BET1: variants seen among roughly 807,000 people sequenced by gnomAD.
BET1 encodes Bet1 golgi vesicular membrane trafficking protein.
In BET1, 9 loss-of-function variants were observed where a neutral mutation model predicts 13.9. The observed-to-expected ratio is 0.65, with a 90% confidence interval of 0.39 to 1.13. The LOEUF (loss-of-function observed/expected upper bound fraction) is 1.13. Ranked by LOEUF, BET1 falls within the 50% of genes most tolerant of loss-of-function variation. The probability of loss-of-function intolerance (pLI) is 0.01; values close to 1 mark genes in which losing one functional copy is unlikely to be tolerated. For missense variants in BET1, 127 were observed against 133.6 expected (o/e 0.95, Z 0.24); for synonymous variants, 39 against 47.3 (o/e 0.82, Z 0.72).
At chr7:94,000,174 GGCTCACTGCAA>G (rs1422840570) in intron 1 of BET1, 1 of 151,066 alleles carries the variant, frequency 6.6e-6, no homozygotes, top group Admixed American at 6.6e-5. Context: ...GCGCGATCTC[GGCTCACTGCAA>G]GCTCCGCCTC....
chr7:93,984,036 G>A (rs1795478338), intron 4 of BET1, among the ~76,000 whole-genome samples: 2 of 152,150 alleles, frequency 1.3e-5, no homozygotes, highest in Admixed American at 1.3e-4. Flanking sequence ...CCACAATTCA[G>A]GAGGCTAGAA....
chr7:93,983,918 T>A (rs1349559983), intron 4 of BET1, among the ~76,000 whole-genome samples: 1 of 152,152 alleles, frequency 6.6e-6, no homozygotes, highest in African/African-American at 2.4e-5. Flanking sequence ...GCATCTGGAT[T>A]TTCATCCCAG....
intron 4 of BET1, among the ~76,000 whole-genome samples, chr7:93,977,479 A>C (rs1434387355): frequency 6.6e-6 from 1 of 152,164 alleles, no homozygotes; most frequent in Non-Finnish European, 1.5e-5. Flanking sequence ...TTTGAGAAAA[A>C]ATAAAAAATT....
At chr7:93,982,737 AG>A (rs778666765) in intron 4 of BET1, among the ~76,000 whole-genome samples, 3 of 152,146 alleles carry the variant, frequency 2.0e-5, no homozygotes, top group Non-Finnish European at 4.4e-5. Flanking sequence ...TCACATTTTG[AG>A]GTTCTGGGTA....
intron 6 of BET1, among the ~76,000 whole-genome samples, chr7:93,968,850 C>T (rs1795216506): frequency 6.6e-6 from 1 of 151,638 alleles, no homozygotes; most frequent in Non-Finnish European, 1.5e-5. Flanking sequence ...GAGATGAGTA[C>T]AATATAGACA....
chr7:93,986,527 T>C (rs1369587267), intron 4 of BET1, among the ~76,000 whole-genome samples: 1 of 152,206 alleles, frequency 6.6e-6, no homozygotes, highest in Non-Finnish European at 1.5e-5. Flanking sequence ...GTGTGCCTAA[T>C]TGCCAACAGT....
chr7:94,004,049 T>C (rs1795972496), intron 1 of BET1, 149 bp downstream of exon 1: 1 of 1,146,194 alleles, frequency 8.7e-7, no homozygotes, highest in South Asian at 1.4e-5. Context: ...AATGGTGTGT[T>C]TCCACTCGAC....
chr7:93,992,992 A>G, downstream of BET1: 1 of 985,374 alleles, frequency 1.0e-6, no homozygotes, highest in Non-Finnish European at 1.2e-6. Context: ...CAGAAAAAAT[A>G]GAACCCAAAC....
chr7:93,971,093 T>G (rs1439123504), intron 6 of BET1, among the ~76,000 whole-genome samples: 1 of 151,818 alleles, frequency 6.6e-6, no homozygotes, highest in Non-Finnish European at 1.5e-5. Flanking sequence ...TTGCAGTATA[T>G]TAAAACAACT....
intron 1 of BET1, among the ~76,000 whole-genome samples, chr7:94,000,867 T>G (rs1327514813): frequency 6.6e-6 from 1 of 152,174 alleles, no homozygotes; most frequent in Non-Finnish European, 1.5e-5. Flanking sequence ...CTGCACACAG[T>G]TGCTTGCACC....
intron 6 of BET1, chr7:93,965,734 T>C (rs1795162284): frequency 6.6e-6 from 1 of 152,092 alleles, no homozygotes; most frequent in East Asian, 1.9e-4. Context: ...TAAAATATGC[T>C]AATTTGAAGC....
intron 4 of BET1, among the ~76,000 whole-genome samples, chr7:93,980,258 G>T (rs1289843438): frequency 6.6e-6 from 1 of 152,072 alleles, no homozygotes; most frequent in Non-Finnish European, 1.5e-5. Flanking sequence ...TAGGAGGAAG[G>T]CTTCCAAATC....
At chr7:93,990,701 T>C (rs564488459), downstream of BET1, among the ~76,000 whole-genome samples, 2 of 152,242 alleles carry the variant, frequency 1.3e-5, no homozygotes, top group Admixed American at 6.5e-5. Context: ...CTTTTCTAAA[T>C]GTCATAAAGA....
intron 1 of BET1, 62 bp from the exon 2 acceptor site, chr7:93,999,356 AG>A (rs1305216327): frequency 6.5e-7 from 1 of 1,541,788 alleles, no homozygotes; most frequent in Non-Finnish European, 8.7e-7. Context: ...ACTGTTAGTT[AG>A]GAAAGAACTG....
intron 2 of BET1, among the ~76,000 whole-genome samples, chr7:93,998,930 G>A (rs1795831623): frequency 6.6e-6 from 1 of 152,004 alleles, no homozygotes; most frequent in Non-Finnish European, 1.5e-5. Flanking sequence ...ACAGCATACA[G>A]TATACAAAAA....
chr7:93,977,109 TAGTC>T lies in BET1; in HGVS notation c.236-1013_236-1010del, dbSNP rs150690952. ...ACCTGAGCTCTTGTATCTTCCTTGT[TAGTC>T]AGTCATAATCTGGATGAAGTTTCGT... is the stretch of plus-strand genomic sequence containing the variant. On this transcript the variant is annotated intron_variant and NMD_transcript_variant, in intron 4 of 6. Transcript: ENST00000357520. 3.8e-3 allele frequency among the ~76,000 whole-genome samples: 575 copies of T among 152,256 alleles called. 5 individuals are homozygous for T. Among genetic ancestry groups the T allele is most frequent in the Middle Eastern group, 6.8e-3 (2 of 294 alleles).
intron 4 of BET1, among the ~76,000 whole-genome samples, chr7:93,980,080 T>C (rs989564091): frequency 6.6e-6 from 1 of 152,126 alleles, no homozygotes; most frequent in Non-Finnish European, 1.5e-5. Context: ...TACTGAATCA[T>C]GAAGAAATGG....
intron 4 of BET1, among the ~76,000 whole-genome samples, chr7:93,982,189 A>G (rs1190105284): frequency 3.3e-5 from 5 of 152,140 alleles, no homozygotes; most frequent in African/African-American, 1.2e-4. Context: ...TAAATATTTT[A>G]TGAAATCATG....
At chr7:93,963,773 T>C (rs1306907102) in exon 7 of BET1, 1 of 152,086 alleles carries the variant, frequency 6.6e-6, no homozygotes, top group African/African-American at 2.4e-5. Flanking sequence ...CTGTCAAGAA[T>C]TAGACTTTAA....
Sources: gnomAD v4.1 joint callset for allele counts (sites outside exome capture counted in the v4.1 genomes callset) on GRCh38, gnomAD v4.1.1 for gene constraint, MANE v1.5 for transcripts, NCBI Gene and HGNC (gene_info 2026-07-23, HGNC 2026-07-21) for gene names.